EPHA6: variants seen among roughly 807,000 people sequenced by gnomAD.
The protein encoded by EPHA6 is ephrin type-A receptor 6.
EPHA6 carries 50 observed loss-of-function variants against 112.0 expected under a neutral mutation model. That is an observed-to-expected ratio of 0.45 (90% CI 0.36 to 0.56). The LOEUF (loss-of-function observed/expected upper bound fraction) is 0.56, where lower values mean the gene tolerates loss of function less well. Among genes scored for constraint, EPHA6 ranks in the 20% least tolerant of loss-of-function variants. The pLI is 0.00. For synonymous variants in EPHA6, 529 were observed against 490.7 expected (o/e 1.08, Z -1.03); for missense variants, 1,280 against 1,417.4 (o/e 0.90, Z 1.56).
chr3:97,033,780 G>C (rs114641025), intron 3 of EPHA6, among the ~76,000 whole-genome samples: 2,651 of 151,960 alleles, frequency 0.017, 64 homozygotes, highest in African/African-American at 0.049. Flanking sequence ...TTTGATAAGA[G>C]CCCCAAATTA....
intron 1 of EPHA6, among the ~76,000 whole-genome samples, chr3:96,837,697 G>A (rs1340397521): frequency 6.6e-6 from 1 of 151,936 alleles, no homozygotes; most frequent in African/African-American, 2.4e-5. Context: ...GGTGTATTAT[G>A]ACAACTTTAG....
At chr3:97,019,360 T>C (rs2044372560) in intron 3 of EPHA6, among the ~76,000 whole-genome samples, 1 of 152,122 alleles carries the variant, frequency 6.6e-6, no homozygotes, top group Non-Finnish European at 1.5e-5. Flanking sequence ...CACACATATG[T>C]ACTAATCATC....
At chr3:97,315,127 A>G (rs2081757835) in intron 5 of EPHA6, among the ~76,000 whole-genome samples, 1 of 151,398 alleles carries the variant, frequency 6.6e-6, no homozygotes, top group South Asian at 2.1e-4. Context: ...GGGATAAATT[A>G]TAATTCCAAT....
At chr3:97,415,428 A>C (rs1416564002) in intron 6 of EPHA6, among the ~76,000 whole-genome samples, 1 of 152,082 alleles carries the variant, frequency 6.6e-6, no homozygotes, top group Non-Finnish European at 1.5e-5. Context: ...ATTTTCTAAA[A>C]GATATAGTTG....
chr3:97,265,400 T>G (rs1191098218), intron 5 of EPHA6, among the ~76,000 whole-genome samples: 2 of 152,098 alleles, frequency 1.3e-5, no homozygotes, highest in East Asian at 3.9e-4. Context: ...TCATCACTCG[T>G]CGGTGCCCAA....
At chr3:97,107,991 T>G (rs2047617581) in intron 3 of EPHA6, among the ~76,000 whole-genome samples, 1 of 152,200 alleles carries the variant, frequency 6.6e-6, no homozygotes, top group Admixed American at 6.5e-5. Context: ...TTCTAAGTGC[T>G]AGAATTGTTA....
At chr3:97,729,118 C>A (rs1021435660) in intron 15 of EPHA6, among the ~76,000 whole-genome samples, 4 of 151,972 alleles carry the variant, frequency 2.6e-5, no homozygotes, top group East Asian at 1.9e-4. Context: ...GGCTAAACAA[C>A]AAATTAGTCT....
chr3:97,240,641 A>G (rs1043348753), intron 4 of EPHA6, among the ~76,000 whole-genome samples: 4 of 151,828 alleles, frequency 2.6e-5, no homozygotes, highest in Non-Finnish European at 4.4e-5. Context: ...ATAAATCTGT[A>G]CTGGTTGATG....
Position 97,544,406 on chromosome 3 carries a change from G to A in EPHA6, c.2386+11863G>A, listed in dbSNP as rs531376050. On this transcript the variant is annotated intron_variant, in intron 11 of 17. Coordinates refer to ENST00000389672, the MANE Select transcript of EPHA6 (RefSeq NM_001080448.3). Reference sequence around the variant, plus strand: ...TGCTGGATTACATTTATTGATTTGCGTATGTTGAACCAGCCTTGCATCCCA... The same window carrying A: ...TGCTGGATTACATTTATTGATTTGCATATGTTGAACCAGCCTTGCATCCCA... 4.6e-3 allele frequency among the ~76,000 whole-genome samples: 694 copies of A among 152,160 alleles called. 9 individuals are homozygous for A. The highest frequency in any genetic ancestry group is 0.013 in the African/African-American group (551 of 41,508).
intron 11 of EPHA6, among the ~76,000 whole-genome samples, chr3:97,553,187 G>C (rs1172533672): frequency 6.6e-6 from 1 of 151,918 alleles, no homozygotes. Flanking sequence ...TCTGTATCCT[G>C]CTTACCTTTC....
intron 15 of EPHA6, among the ~76,000 whole-genome samples, chr3:97,730,298 T>G (rs1254835999): frequency 6.6e-6 from 1 of 152,098 alleles, no homozygotes; most frequent in Non-Finnish European, 1.5e-5. Flanking sequence ...TTCTGTTGAT[T>G]CTAGGTTGTT....
chr3:96,960,473 A>G (rs1364853373), intron 2 of EPHA6, among the ~76,000 whole-genome samples: 2 of 152,172 alleles, frequency 1.3e-5, no homozygotes, highest in African/African-American at 4.8e-5. Flanking sequence ...GGCCTCTGCT[A>G]TTCTTAAACC....
intron 5 of EPHA6, among the ~76,000 whole-genome samples, chr3:97,316,822 A>C (rs2081864784): frequency 6.8e-6 from 1 of 146,474 alleles, no homozygotes; most frequent in Admixed American, 6.9e-5. Context: ...GCTTTCATTA[A>C]AGTAAAAATA....
chr3:97,040,248 T>A (rs2045265960), intron 3 of EPHA6, among the ~76,000 whole-genome samples: 1 of 151,922 alleles, frequency 6.6e-6, no homozygotes, highest in Non-Finnish European at 1.5e-5. Context: ...AAATTTTAGA[T>A]ACTTTCCCTG....
At chr3:96,841,994 T>C (rs1225749502) in intron 1 of EPHA6, among the ~76,000 whole-genome samples, 1 of 152,036 alleles carries the variant, frequency 6.6e-6, no homozygotes, top group African/African-American at 2.4e-5. Context: ...GATGGAACAT[T>C]GTATTGAGTA....
intron 14 of EPHA6, among the ~76,000 whole-genome samples, chr3:97,647,501 G>T (rs2094074260): frequency 6.6e-6 from 1 of 152,070 alleles, no homozygotes; most frequent in African/African-American, 2.4e-5. Context: ...GGAAATAAAT[G>T]CACAAAAATA....
At chr3:97,429,226 CAT>C (rs2089349725) in intron 6 of EPHA6, among the ~76,000 whole-genome samples, 2 of 152,056 alleles carry the variant, frequency 1.3e-5, no homozygotes, top group South Asian at 4.1e-4. Flanking sequence ...ATTATAGAAA[CAT>C]AAATTTGGGC....
rs536507852 is a variant in EPHA6, at chr3:97,266,956, A to G, written c.1606+22669A>G. On this transcript the variant is annotated intron_variant, in intron 5 of 17. Coordinates refer to ENST00000389672, the MANE Select transcript of EPHA6 (RefSeq NM_001080448.3). ...TACTCTCCATTAGAAATAAATAGGA[A>G]TAAAGGGGTAGAGTCATCAAATAGA... Among the ~76,000 whole-genome samples, 3 of 152,290 alleles carry G rather than the reference A, an allele frequency of 2.0e-5. No homozygotes were observed. In the South Asian group the frequency reaches 6.2e-4, roughly 32 times the overall value.
chr3:97,181,820 A>T (rs2076996438), intron 3 of EPHA6, among the ~76,000 whole-genome samples: 1 of 152,088 alleles, frequency 6.6e-6, no homozygotes, highest in Admixed American at 6.6e-5. Context: ...AATTCTATTT[A>T]AGGCAAGATG....
Sources: allele counts gnomAD v4.1 joint callset (sites outside exome capture counted in the v4.1 genomes callset), GRCh38; gene constraint gnomAD v4.1.1; transcripts MANE v1.5; gene names NCBI Gene and HGNC (gene_info 2026-07-23, HGNC 2026-07-21).